Variants in CATSPERT observed in about 807,000 individuals in gnomAD.
CATSPERT encodes cation channel sperm-associated targeting subunit tau.
chr2:201,558,555 T>C, the CATSPERT span, among the ~76,000 whole-genome samples: 9 of 152,214 alleles, frequency 5.9e-5, no homozygotes, highest in African/African-American at 1.9e-4. Context: ...CTTCCCATTG[T>C]TGGGAAAAGG....
chr2:201,545,475 T>C, the CATSPERT span: 1 of 1,062,398 alleles, frequency 9.4e-7, no homozygotes, highest in Non-Finnish European at 1.4e-6. Context: ...TTACTAATTG[T>C]CTTTTTGTGA....
At chr2:201,569,515 C>T in the CATSPERT span, among the ~76,000 whole-genome samples, 1 of 152,180 alleles carries the variant, frequency 6.6e-6, no homozygotes, top group Non-Finnish European at 1.5e-5. Flanking sequence ...TTCCTGCCAC[C>T]CTGGGACCCA....
At chr2:201,555,895 T>G in the CATSPERT span, 1 of 152,178 alleles carries the variant, frequency 6.6e-6, no homozygotes, top group Non-Finnish European at 1.5e-5. Flanking sequence ...TAGCCTAATA[T>G]TCCCTCTGCA....
the CATSPERT span, among the ~76,000 whole-genome samples, chr2:201,523,603 G>A: frequency 1.3e-5 from 2 of 152,018 alleles, no homozygotes; most frequent in Admixed American, 1.3e-4. Context: ...CCTTACCTCT[G>A]AACAACTGCA....
chr2:201,503,412 T>G, the CATSPERT span, among the ~76,000 whole-genome samples: 1 of 152,212 alleles, frequency 6.6e-6, no homozygotes, highest in Admixed American at 6.5e-5. Flanking sequence ...AAATTTAACT[T>G]AAGAGACAGA....
the CATSPERT span, among the ~76,000 whole-genome samples, chr2:201,574,751 G>C: frequency 6.6e-6 from 1 of 152,148 alleles, no homozygotes; most frequent in African/African-American, 2.4e-5. Context: ...ATAAAGTCAA[G>C]TGTCCATCTT....
chr2:201,544,974 G>A, the CATSPERT span, among the ~76,000 whole-genome samples: 9 of 151,160 alleles, frequency 6.0e-5, no homozygotes, highest in Admixed American at 6.0e-4. Flanking sequence ...TCCAGCCTGG[G>A]TGACAGAACT....
chr2:201,505,777 G>T, the CATSPERT span, among the ~76,000 whole-genome samples: 1 of 152,090 alleles, frequency 6.6e-6, no homozygotes, highest in Non-Finnish European at 1.5e-5. Flanking sequence ...AATTCAGTCT[G>T]GATTTAGGTA....
the CATSPERT span, among the ~76,000 whole-genome samples, chr2:201,611,864 T>C: frequency 2.6e-3 from 397 of 152,328 alleles, 2 homozygotes; most frequent in Non-Finnish European, 2.0e-3. Flanking sequence ...TAGGTCTCCA[T>C]GCTCTAGTGG....
the CATSPERT span, chr2:201,535,511 T>G: frequency 5.4e-6 from 5 of 924,914 alleles, no homozygotes; most frequent in Non-Finnish European, 6.5e-6. Flanking sequence ...ATAATAGTTT[T>G]ATTAAGAATT....
chr2:201,566,761 A>T, the CATSPERT span, among the ~76,000 whole-genome samples: 1 of 152,092 alleles, frequency 6.6e-6, no homozygotes, highest in Non-Finnish European at 1.5e-5. Flanking sequence ...CTAGTTCTAG[A>T]TCCCTGAGGA....
the CATSPERT span, chr2:201,552,778 GT>G: frequency 2.0e-5 from 3 of 152,118 alleles, no homozygotes; most frequent in Non-Finnish European, 2.9e-5. Context: ...CTTTATAAAT[GT>G]AATTTTACTC....
chr2:201,504,151 T>A, the CATSPERT span, among the ~76,000 whole-genome samples: 1 of 152,194 alleles, frequency 6.6e-6, no homozygotes, highest in African/African-American at 2.4e-5. Flanking sequence ...CTGCTGTAGT[T>A]TTTTCTCTTC....
the CATSPERT span, among the ~76,000 whole-genome samples, chr2:201,515,201 AGTTTTTTTTTTTTTTTTTTT>A: frequency 1.2e-3 from 85 of 70,272 alleles, 13 homozygotes; most frequent in Middle Eastern, 9.4e-3. Context: ...ATCTGCCCAT[AGTTTTTTTTTTTTTTTTTTT>A]TTTTTTTTTT....
the CATSPERT span, among the ~76,000 whole-genome samples, chr2:201,538,896 C>T: frequency 2.0e-5 from 3 of 152,140 alleles, no homozygotes; most frequent in East Asian, 5.8e-4. Flanking sequence ...TTAGCTCCCA[C>T]TTATAAGTAA....
the CATSPERT span, among the ~76,000 whole-genome samples, chr2:201,612,180 A>C: frequency 6.6e-6 from 1 of 152,200 alleles, no homozygotes; most frequent in Non-Finnish European, 1.5e-5. Flanking sequence ...TTCATTGAAC[A>C]GTGAATAAAA....
At chr2:201,544,543 T>TCACACACA in the CATSPERT span, among the ~76,000 whole-genome samples, 57 of 150,490 alleles carry the variant, frequency 3.8e-4, no homozygotes, top group East Asian at 3.1e-3. Context: ...ACTTTCTTTT[T>TCACACACA]CACACACACA....
At chr2:201,589,275 C>A in the CATSPERT span, among the ~76,000 whole-genome samples, 1 of 151,908 alleles carries the variant, frequency 6.6e-6, no homozygotes, top group Non-Finnish European at 1.5e-5. Flanking sequence ...CATATAGAAC[C>A]AAAAAAGAGC....
chr2:201,529,174 C>A, the CATSPERT span, among the ~76,000 whole-genome samples: 1 of 152,078 alleles, frequency 6.6e-6, no homozygotes, highest in Admixed American at 6.5e-5. Flanking sequence ...CCATACTACC[C>A]AATGCAGTCT....
Sources: allele counts gnomAD v4.1 joint callset (sites outside exome capture counted in the v4.1 genomes callset), GRCh38; gene constraint gnomAD v4.1.1; transcripts MANE v1.5; gene names NCBI Gene and HGNC (gene_info 2026-07-23, HGNC 2026-07-21).